TSPAN32: variants seen among roughly 807,000 people sequenced by gnomAD.
The protein encoded by TSPAN32 is tetraspanin 32, also known as tetraspanin-32.
A neutral mutation model predicts 42.7 loss-of-function variants in TSPAN32; 47 were observed. The observed-to-expected ratio is 1.10, with a 90% CI of 0.87 to 1.40. The LOEUF is 1.40. TSPAN32 is among the 40% of genes most tolerant of loss of function. TSPAN32 has a pLI of 0.00. For synonymous variants in TSPAN32, 175 were observed against 175.9 expected, an observed-to-expected ratio of 0.99 and a Z score of 0.04; for missense variants, 469 against 424.1, an observed-to-expected ratio of 1.11 and a Z score of -0.93.
chr11:2,316,005 T>G (rs1018918287), intron 6 of TSPAN32: 4 of 1,533,838 alleles, frequency 2.6e-6, no homozygotes, highest in Non-Finnish European at 3.5e-6. Context: ...CCCAGGGCAG[T>G]GCCAGAGTGC....
chr11:2,313,663 G>T lies in TSPAN32; in HGVS notation c.364G>T (p.Ala122Ser). The stretch of plus-strand genomic sequence containing the variant: ...TGGTCTCTCGGTGCAGGTGGAGGAC[G>T]CCATGCTGGACACCTACGACCTGGT... ...RLHSPTQVED[A>S]MLDTYDLVYE... The change falls in exon 5 of 10, where the codon GCC becomes TCC. Residue 122 changes from alanine (A) to serine (S), a missense_variant. Ala to Ser is a moderately conservative substitution (Grantham distance 99). Coordinates refer to ENST00000182290, the MANE Select transcript of TSPAN32 (RefSeq NM_139022.3). The surrounding 1 kb of genome is among the most constrained non-coding windows in gnomAD (Gnocchi z 9.1). 1 of 1,604,700 alleles carries T rather than the reference G, an allele frequency of 6.2e-7. No individual in the cohort carries two copies.
Position 2,316,252 on chromosome 11 carries a change from CT to C in TSPAN32, c.569del (p.Phe190SerfsTer2). The C allele has an allele frequency of 6.3e-7, 1 of 1,599,742 alleles. No homozygotes were observed. The highest frequency in any genetic ancestry group is 1.1e-5 in the South Asian group (1 of 88,710). On this transcript the variant is annotated frameshift_variant, in exon 7 of 10. Coordinates refer to ENST00000182290, the MANE Select transcript of TSPAN32 (RefSeq NM_139022.3). LOFTEE classifies it high-confidence loss of function. ...AGGACTGCCTTCAGGGCATCCGGAG[CT>C]TCCTGAGGACACACCAGCAGGTCGC... ...REDCLQGIRS[F>X]LRTHQQVASS...
At chr11:2,303,445 G>A (rs1364463996) in intron 2 of TSPAN32, 5 of 192,796 alleles carry the variant, frequency 2.6e-5, no homozygotes, top group African/African-American at 7.2e-5. Context: ...TCCAGAGAGC[G>A]GGAGCGAGGG....
Position 2,317,605 on chromosome 11 carries a change from C to A in TSPAN32, c.901+80C>A. On this transcript the variant is annotated intron_variant, in intron 9 of 9. Transcript: ENST00000182290. The surrounding 1 kb of genome is among the most constrained non-coding windows in gnomAD (Gnocchi z 6.2). ...CTGTGAGGAGGGAAGGGAGTGAAGG[C>A]CCAGCCAGAGAGCCAGGCTCCATTG... 1 of 1,504,696 alleles carries A rather than the reference C, an allele frequency of 6.6e-7. No homozygotes were observed. Among genetic ancestry groups the A allele is most frequent in the Non-Finnish European group, 8.8e-7 (1 of 1,130,844 alleles). The allele number at this position is 1,504,696 out of a possible 1,614,324, so 93.2% of individuals were successfully genotyped here.
intron 4 of TSPAN32, among the ~76,000 whole-genome samples, chr11:2,312,735 GC>G (rs112467823): frequency 1.1e-4 from 17 of 152,324 alleles, no homozygotes; most frequent in African/African-American, 4.1e-4. Context: ...CGGGCCTGGG[GC>G]TTCCATCCTC....
intron 6 of TSPAN32, chr11:2,315,599 G>A (rs1848739012): frequency 1.7e-6 from 2 of 1,180,832 alleles, no homozygotes; most frequent in Non-Finnish European, 2.1e-6. Flanking sequence ...GCGGGAGGGA[G>A]GCAGACCTGC....
intron 6 of TSPAN32, chr11:2,315,495 G>GAAAA (rs1475581877): frequency 8.7e-7 from 1 of 1,153,032 alleles, no homozygotes; most frequent in Non-Finnish European, 1.1e-6. Flanking sequence ...CCCTTGGGAT[G>GAAAA]GCAGGGCCAT....
chr11:2,307,215 C>T (rs559492023), intron 3 of TSPAN32, among the ~76,000 whole-genome samples: 2 of 152,312 alleles, frequency 1.3e-5, no homozygotes, highest in Non-Finnish European at 2.9e-5. Context: ...GGCTCCCCAG[C>T]TCTTTCCACG....
chr11:2,315,819 C>T (rs1848752249), intron 6 of TSPAN32: 4 of 1,337,674 alleles, frequency 3.0e-6, no homozygotes, highest in Non-Finnish European at 3.9e-6. Context: ...CACCCCTCCA[C>T]CAGCTGGCTT....
In TSPAN32 at chr11:2,304,340, C is replaced by A; in HGVS notation, c.279+136C>A. On this transcript the variant is annotated intron_variant, in intron 3 of 9. Coordinates refer to ENST00000182290, the MANE Select transcript of TSPAN32 (RefSeq NM_139022.3). This position sits in a 1 kb window ranked among gnomAD's most constrained non-coding sequence, Gnocchi z 4.8. ...AGAGGCCCCAGGGATGCTGGCCAGC[C>A]GAGACCCCCACGTCAACCCCACACC... The A allele has an allele frequency of 1.6e-6, 1 of 641,330 alleles. No individual in the cohort carries two copies. The highest frequency in any genetic ancestry group is 2.6e-6 in the Non-Finnish European group (1 of 381,800). 39.7% of individuals were successfully genotyped at this position (641,330 alleles called of 1,614,324 possible).
rs1847785114 is a variant in TSPAN32, at chr11:2,302,116, AG to A, written c.-31del. 6.7e-7 allele frequency: 1 copy of A among 1,484,282 alleles called. No homozygotes were observed. Among genetic ancestry groups the A allele is most frequent in the Non-Finnish European group, 8.9e-7 (1 of 1,118,086 alleles). 91.9% of individuals were successfully genotyped at this position (1,484,282 alleles called of 1,614,324 possible). The stretch of plus-strand genomic sequence containing the variant: ...CCAGCTGGAAACCACAGGGAGGGGA[AG>A]GGAGGGGAGGAGAGGAGAGGAGAGG... On this transcript the variant is annotated 5_prime_UTR_variant, in exon 1 of 10. Transcript: ENST00000182290.
rs1044379213 is a variant in TSPAN32 at position 2,304,275 on chromosome 11, G to A, written c.279+71G>A. ...TAGAAAGGAGTGAAGAGCTGGCAGG[G>A]CTGTGTGCCACCCCCACACCTGAGT... On this transcript the variant is annotated intron_variant, in intron 3 of 9. Transcript: ENST00000182290. This position sits in a 1 kb window ranked among gnomAD's most constrained non-coding sequence, Gnocchi z 4.8. The A allele has an allele frequency of 6.1e-6, 7 of 1,155,940 alleles. No homozygotes were observed. In the African/African-American group the frequency reaches 9.4e-5, roughly 15 times the overall value. 71.6% of individuals were successfully genotyped at this position (1,155,940 alleles called of 1,614,324 possible).
At chr11:2,309,055 G>T (rs888114288) in intron 4 of TSPAN32, among the ~76,000 whole-genome samples, 1 of 151,824 alleles carries the variant, frequency 6.6e-6, no homozygotes, top group Non-Finnish European at 1.5e-5. Context: ...CCCTGCCTTC[G>T]CCCCAGTCTC....
chr11:2,315,471 G>A (rs1406902679), intron 6 of TSPAN32: 26 of 1,138,702 alleles, frequency 2.3e-5, no homozygotes, highest in Non-Finnish European at 2.8e-5. Context: ...AGGAGCGAGG[G>A]CCTGCCTCGA....
chr11:2,313,595 G>A lies in TSPAN32; in HGVS notation c.355-59G>A. On this transcript the variant is annotated intron_variant, in intron 4 of 9. Coordinates refer to ENST00000182290, the MANE Select transcript of TSPAN32 (RefSeq NM_139022.3). This position sits in a 1 kb window ranked among gnomAD's most constrained non-coding sequence, Gnocchi z 9.1. ...TAGCGTTTGGGATGTCGTGGGGAGG[G>A]GGCTGTGTCCCCGGATCTCCCACCA... is the stretch of plus-strand genomic sequence containing the variant. The A allele has an allele frequency of 1.4e-6, 2 of 1,381,364 alleles. No individual in the cohort carries two copies. Among genetic ancestry groups the A allele is most frequent in the Non-Finnish European group, 1.0e-6 (1 of 996,794 alleles). 85.6% of individuals were successfully genotyped at this position (1,381,364 alleles called of 1,614,324 possible).
Position 2,317,610 on chromosome 11 carries a change from C to A in TSPAN32, c.901+85C>A. The A allele has an allele frequency of 1.3e-6, 2 of 1,500,336 alleles. No individual in the cohort carries two copies. Among genetic ancestry groups the A allele is most frequent in the Non-Finnish European group, 8.9e-7 (1 of 1,129,058 alleles). 92.9% of individuals were successfully genotyped at this position (1,500,336 alleles called of 1,614,324 possible). On this transcript the variant is annotated intron_variant, in intron 9 of 9. Transcript: ENST00000182290. The surrounding 1 kb of genome is among the most constrained non-coding windows in gnomAD (Gnocchi z 6.2). ...AGGAGGGAAGGGAGTGAAGGCCCAG[C>A]CAGAGAGCCAGGCTCCATTGGGAAC...
At chr11:2,308,260 T>C (rs915654734) in intron 3 of TSPAN32, among the ~76,000 whole-genome samples, 1 of 151,988 alleles carries the variant, frequency 6.6e-6, no homozygotes, top group African/African-American at 2.4e-5. Flanking sequence ...CCAGGCCAAG[T>C]CTCCCTCTCA....
At chr11:2,310,253 C>G (rs1429997281) in intron 4 of TSPAN32, among the ~76,000 whole-genome samples, 1 of 152,122 alleles carries the variant, frequency 6.6e-6, no homozygotes, top group Admixed American at 6.5e-5. Context: ...TGGCTCTGAT[C>G]GTGGAGCCAC....
intron 3 of TSPAN32, among the ~76,000 whole-genome samples, chr11:2,306,710 C>T (rs1410495489): frequency 6.7e-6 from 1 of 150,210 alleles, no homozygotes; most frequent in African/African-American, 2.5e-5. Flanking sequence ...GATGGTGGCC[C>T]TCAGCCAGCA....
Sources: gnomAD v4.1 joint callset for allele counts (sites outside exome capture counted in the v4.1 genomes callset) on GRCh38, gnomAD v4.1.1 for gene constraint, Gnocchi (gnomAD v3.1) non-coding constraint, MANE v1.5 for transcripts, NCBI Gene and HGNC (gene_info 2026-07-23, HGNC 2026-07-21) for gene names.